Variants in GRIK3 observed in about 807,000 individuals in gnomAD.
The protein encoded by GRIK3 is glutamate receptor ionotropic, kainate 3.
Under a neutral mutation model 102.5 loss-of-function variants are expected in GRIK3, and 29 were observed. The observed-to-expected ratio is 0.28, with a 90% confidence interval of 0.21 to 0.39. The LOEUF (loss-of-function observed/expected upper bound fraction) is 0.39. Among genes scored for constraint, GRIK3 ranks in the 10% least tolerant of loss-of-function variants. The pLI is 1.00. For missense variants in GRIK3, 908 were observed against 1,252.4 expected (o/e 0.73, Z 4.15); for synonymous variants, 511 against 504.9 (o/e 1.01, Z -0.16).
chr1:36,802,275 T>C (rs1230900428), intron 15 of GRIK3, among the ~76,000 whole-genome samples: 1 of 152,206 alleles, frequency 6.6e-6, no homozygotes, highest in Non-Finnish European at 1.5e-5. Context: ...GGCATCATCT[T>C]AACCTCATTT....
chr1:36,856,099 A>T (rs572005159), intron 7 of GRIK3, among the ~76,000 whole-genome samples: 1 of 152,198 alleles, frequency 6.6e-6, no homozygotes, highest in Non-Finnish European at 1.5e-5. Flanking sequence ...GCATCAGAGA[A>T]GGTAAAAGCC....
At chr1:36,856,395 C>T (rs539230306) in intron 7 of GRIK3, among the ~76,000 whole-genome samples, 3 of 152,382 alleles carry the variant, frequency 2.0e-5, no homozygotes, top group East Asian at 3.9e-4. Flanking sequence ...TGCCCGCCCC[C>T]TCTAGCCACC....
At chr1:36,949,547 C>G (rs1335289703) in intron 1 of GRIK3, among the ~76,000 whole-genome samples, 1 of 122,718 alleles carries the variant, frequency 8.1e-6, no homozygotes, top group Non-Finnish European at 1.8e-5. Flanking sequence ...TCTTTTCTTT[C>G]TTTTTTTTCT....
chr1:36,856,274 C>T (rs560638902), intron 7 of GRIK3, among the ~76,000 whole-genome samples: 2 of 152,316 alleles, frequency 1.3e-5, no homozygotes, highest in South Asian at 4.1e-4. Flanking sequence ...GCCTTCCTGC[C>T]TGTCAGCTAC....
chr1:36,810,515 C>T lies in GRIK3; in HGVS notation c.2092-4189G>A, dbSNP rs1055048446. ...TCCTCAAAGAAGCAAATTGATTTTC[C>T]CTGACTGAAGATACTTAATCTTGAG... On this transcript the variant is annotated intron_variant, in intron 13 of 15. Transcript: ENST00000373091. 2.6e-5 allele frequency among the ~76,000 whole-genome samples: 4 copies of T among 152,102 alleles called. No individual in the cohort carries two copies. In the South Asian group the frequency reaches 8.3e-4, roughly 32 times the overall value.
intron 13 of GRIK3, among the ~76,000 whole-genome samples, chr1:36,814,746 G>A (rs1413288100): frequency 6.6e-6 from 1 of 151,740 alleles, no homozygotes; most frequent in African/African-American, 2.4e-5. Context: ...ACACACACAG[G>A]TCCATCTGCC....
At chr1:36,892,417 C>T (rs184505545) in intron 1 of GRIK3, among the ~76,000 whole-genome samples, 189 of 151,036 alleles carry the variant, frequency 1.3e-3, no homozygotes, top group Non-Finnish European at 1.8e-3. Flanking sequence ...AGGAAGATGA[C>T]GATTGAAGCC....
Position 36,880,792 on chromosome 1 carries a change from G to A in GRIK3, c.392C>T (p.Pro131Leu), listed in dbSNP as rs1269541758. The change falls in exon 3 of 16, where the codon CCC (proline) becomes CTC (leucine). Residue 131 changes from proline (P) to leucine (L), a missense_variant. Physicochemically the swap from Pro to Leu is moderately conservative, Grantham distance 98. Around this residue, in one of 3 missense-constraint regions of GRIK3, gnomAD observed 585 missense variants for 824.9 expected, o/e 0.71. Coordinates refer to ENST00000373091, the MANE Select transcript of GRIK3 (RefSeq NM_000831.4). The surrounding 1 kb of genome is among the most constrained non-coding windows in gnomAD (Gnocchi z 5.4). ...GTGCTTCCAACGCAGCTGGATGTGG[G>A]GCACCTCCAGGGCATTGCAGATGGA... ...VQSICNALEV[P>L]HIQLRWKHHP... The A allele has an allele frequency of 6.2e-7, 1 of 1,613,918 alleles. No individual in the cohort carries two copies. Among genetic ancestry groups the A allele is most frequent in the Non-Finnish European group, 8.5e-7 (1 of 1,179,898 alleles).
intron 1 of GRIK3, among the ~76,000 whole-genome samples, chr1:36,909,007 T>C (rs556427908): frequency 6.6e-6 from 1 of 152,258 alleles, no homozygotes; most frequent in East Asian, 1.9e-4. Context: ...TTAACACTCA[T>C]GAGAACCTCT....
chr1:36,805,706 G>A (rs937670750), intron 14 of GRIK3, among the ~76,000 whole-genome samples: 6 of 152,128 alleles, frequency 3.9e-5, no homozygotes, highest in South Asian at 4.1e-4. Flanking sequence ...GGAGGCTGAG[G>A]TGGGGAGATC....
At chr1:36,846,358 G>A (rs921206758) in intron 9 of GRIK3, among the ~76,000 whole-genome samples, 1 of 152,206 alleles carries the variant, frequency 6.6e-6, no homozygotes, top group African/African-American at 2.4e-5. Context: ...AACGCTGGGG[G>A]TTTAGGAGAG....
At chr1:36,831,185 A>G (rs974255452) in intron 10 of GRIK3, among the ~76,000 whole-genome samples, 1 of 152,172 alleles carries the variant, frequency 6.6e-6, no homozygotes, top group African/African-American at 2.4e-5. Flanking sequence ...AGCAAGCATC[A>G]TGGCTGGACC....
At chr1:36,905,063 A>G (rs890767671) in intron 1 of GRIK3, among the ~76,000 whole-genome samples, 1 of 152,172 alleles carries the variant, frequency 6.6e-6, no homozygotes, top group African/African-American at 2.4e-5. Context: ...CAGCATACAA[A>G]TATAGAAAAA....
At chr1:36,974,810 A>C (rs1329887213) in intron 1 of GRIK3, among the ~76,000 whole-genome samples, 2 of 151,824 alleles carry the variant, frequency 1.3e-5, no homozygotes, top group Admixed American at 6.6e-5. Context: ...AAAAAAAAAA[A>C]AACAAAAAAA....
intron 1 of GRIK3, among the ~76,000 whole-genome samples, chr1:36,968,791 T>C (rs1363124859): frequency 6.6e-6 from 1 of 152,212 alleles, no homozygotes; most frequent in Non-Finnish European, 1.5e-5. Context: ...TCCCCAGCAG[T>C]GGGTGTCTCA....
intron 10 of GRIK3, among the ~76,000 whole-genome samples, chr1:36,832,080 CT>C (rs1343530363): frequency 0.025 from 7 of 280 alleles, no homozygotes; most frequent in African/African-American, 0.07. Context: ...TCCCTGGCGA[CT>C]GCTCTACTGC....
chr1:36,888,512 CA>C (rs1246251634), intron 2 of GRIK3, among the ~76,000 whole-genome samples: 1 of 152,090 alleles, frequency 6.6e-6, no homozygotes, highest in African/African-American at 2.4e-5. Flanking sequence ...GCTCCTTGAC[CA>C]AGCTAATGTT....
At chr1:36,882,241 T>C (rs567790444) in intron 2 of GRIK3, among the ~76,000 whole-genome samples, 1 of 152,314 alleles carries the variant, frequency 6.6e-6, no homozygotes, top group South Asian at 2.1e-4. Context: ...ATCTGAATGT[T>C]GAATGAATGC....
intron 1 of GRIK3, among the ~76,000 whole-genome samples, chr1:36,973,577 G>C (rs1231630974): frequency 7.0e-6 from 1 of 142,990 alleles, no homozygotes; most frequent in Admixed American, 6.8e-5. Context: ...GCGCCACCAC[G>C]CCCGGCTAAT....
Sources: gnomAD v4.1 joint callset for allele counts (sites outside exome capture counted in the v4.1 genomes callset) on GRCh38, gnomAD v4.1.1 for gene constraint, gnomAD v4.1.1 regional missense constraint, Gnocchi (gnomAD v3.1) non-coding constraint, MANE v1.5 for transcripts, NCBI Gene and HGNC (gene_info 2026-07-23, HGNC 2026-07-21) for gene names.